Variants in ZNF138 observed in about 807,000 individuals in gnomAD.
ZNF138 encodes the protein zinc finger protein 138.
Under a neutral mutation model 33.0 loss-of-function variants are expected in ZNF138, and 33 were observed. The ratio of observed to expected loss-of-function variants is 1.00; its 90% confidence interval spans 0.76 to 1.34. The LOEUF (loss-of-function observed/expected upper bound fraction) is 1.34. ZNF138 is among the 40% of genes most tolerant of loss of function. The pLI is 0.00. For missense variants in ZNF138, 360 were observed against 370.8 expected, an observed-to-expected ratio of 0.97 and a Z score of 0.24; for synonymous variants, 139 against 120.4, an observed-to-expected ratio of 1.15 and a Z score of -1.01.
the ZNF138 span, among the ~76,000 whole-genome samples, chr7:64,847,330 A>ATTTTTT: frequency 3.6e-5 from 4 of 111,354 alleles, no homozygotes; most frequent in Admixed American, 2.8e-4. Flanking sequence ...ATATATATAT[A>ATTTTTT]TATTTTTTTT....
At chr7:64,823,116 G>C (rs1191841230) in intron 3 of ZNF138, among the ~76,000 whole-genome samples, 1 of 152,060 alleles carries the variant, frequency 6.6e-6, no homozygotes, top group Non-Finnish European at 1.5e-5. Context: ...CCGACCTCAG[G>C]TGATCCGCCC....
the ZNF138 span, chr7:64,853,105 A>G: frequency 2.6e-3 from 3,638 of 1,414,740 alleles, 77 homozygotes; most frequent in African/African-American, 0.046. Flanking sequence ...TGTAATCTGT[A>G]GTTTGAACCA....
chr7:64,813,859 TTAA>T lies in ZNF138; in HGVS notation c.4-1057_4-1055del, dbSNP rs575193839. On this transcript the variant is annotated intron_variant, in intron 1 of 3. Coordinates refer to ENST00000307355, the MANE Select transcript of ZNF138 (RefSeq NM_001271639.2). ...AAAATTTGTCTTAGTGCAGTTGATGTTAATGATTCACTTGGTTAAAGAGCTCTT... is the reference window on the plus strand; with the variant it reads ...AAAATTTGTCTTAGTGCAGTTGATGTTGATTCACTTGGTTAAAGAGCTCTT... 7.2e-5 allele frequency among the ~76,000 whole-genome samples: 11 copies of T among 152,362 alleles called. No homozygotes were observed. In the South Asian group the frequency reaches 2.3e-3, roughly 32 times the overall value.
At chr7:64,853,994 C>A in the ZNF138 span, among the ~76,000 whole-genome samples, 1 of 150,944 alleles carries the variant, frequency 6.6e-6, no homozygotes, top group Non-Finnish European at 1.5e-5. Context: ...CAGCAAGGCT[C>A]TGTCTCAAAA....
the ZNF138 span, among the ~76,000 whole-genome samples, chr7:64,846,836 C>T: frequency 1.3e-5 from 2 of 152,082 alleles, no homozygotes; most frequent in Admixed American, 1.3e-4. Context: ...TTGTCTTGTT[C>T]CAGTTCTCAG....
downstream of ZNF138, among the ~76,000 whole-genome samples, chr7:64,834,533 T>C (rs895945033): frequency 2.0e-5 from 3 of 152,238 alleles, no homozygotes; most frequent in African/African-American, 7.2e-5. Context: ...TTGCAGAATT[T>C]ATGAAAAGTG....
At chr7:64,798,851 G>T (rs1299639768) in intron 1 of ZNF138, among the ~76,000 whole-genome samples, 2 of 148,394 alleles carry the variant, frequency 1.3e-5, no homozygotes, top group African/African-American at 2.5e-5. Flanking sequence ...TGGTCAGATG[G>T]TTGTAGATGT....
the ZNF138 span, among the ~76,000 whole-genome samples, chr7:64,860,429 C>T: frequency 5.3e-5 from 8 of 152,140 alleles, no homozygotes; most frequent in Non-Finnish European, 1.0e-4. Context: ...CTTTCTTCAA[C>T]CACTTCTTCC....
At chr7:64,829,638 TTGG>T (rs144211525) in intron 3 of ZNF138, among the ~76,000 whole-genome samples, 1,871 of 150,178 alleles carry the variant, frequency 0.012, 52 homozygotes, top group African/African-American at 0.044. Flanking sequence ...CTCAATTTTG[TTGG>T]TGATGTTGCT....
intron 1 of ZNF138, among the ~76,000 whole-genome samples, chr7:64,804,123 C>G (rs561371991): frequency 1.3e-5 from 2 of 152,132 alleles, no homozygotes; most frequent in Non-Finnish European, 2.9e-5. Context: ...CAATTTCTGC[C>G]TCCAAAGAAA....
chr7:64,818,925 TG>T (rs1315806741), intron 3 of ZNF138, among the ~76,000 whole-genome samples: 1 of 152,198 alleles, frequency 6.6e-6, no homozygotes, highest in Non-Finnish European at 1.5e-5. Context: ...TCTTTCTTAA[TG>T]TTACACCAAT....
intron 1 of ZNF138, among the ~76,000 whole-genome samples, chr7:64,806,003 A>G (rs897915368): frequency 3.3e-5 from 5 of 152,230 alleles, no homozygotes; most frequent in African/African-American, 9.6e-5. Context: ...TGCATGTCAC[A>G]TTTGGTTGAA....
At chr7:64,799,410 G>A (rs1786963781) in intron 1 of ZNF138, among the ~76,000 whole-genome samples, 2 of 151,956 alleles carry the variant, frequency 1.3e-5, no homozygotes, top group African/African-American at 2.4e-5. Context: ...TGATCTGCCC[G>A]CCTCTGCCTC....
intron 1 of ZNF138, 89 bp downstream of exon 1, chr7:64,794,660 C>A: frequency 6.3e-7 from 1 of 1,587,324 alleles, no homozygotes; most frequent in Non-Finnish European, 8.6e-7. Flanking sequence ...TCGGGTCTTC[C>A]CGCAGTCGGC....
At chr7:64,853,273 C>T in the ZNF138 span, 238 of 1,611,882 alleles carry the variant, frequency 1.5e-4, no homozygotes, top group Admixed American at 3.9e-3. Context: ...TAGCCTGTGC[C>T]CTTCAGTTCA....
At position 64,833,218 on chromosome 7, in the gene ZNF138, T is replaced by TA. The variant is rs1790232878; in HGVS notation, c.*1018dup. ...ACAAGTCTTCAACCCTTTCTGCACA[T>TA]AATATAATTCATACTGGAGAGAAAC... is the stretch of plus-strand genomic sequence containing the variant. On this transcript the variant is annotated 3_prime_UTR_variant, in exon 4 of 4. Transcript: ENST00000307355. The TA allele has an allele frequency of 4.4e-6, 1 of 225,572 alleles. No individual in the cohort carries two copies. Among genetic ancestry groups the TA allele is most frequent in the South Asian group, 6.8e-5 (1 of 14,798 alleles). The allele number at this position is 225,572 out of a possible 1,614,324, so 14.0% of individuals were successfully genotyped here. A position where few individuals can be genotyped will look rare whatever the true frequency, so the allele number is the denominator to read the frequency against.
the ZNF138 span, chr7:64,852,935 G>A: frequency 1.9e-5 from 23 of 1,201,474 alleles, no homozygotes; most frequent in East Asian, 5.1e-4. Flanking sequence ...GATAATCAGA[G>A]GCATCACTTT....
At position 64,833,046 on chromosome 7, in the gene ZNF138, C is replaced by G. The variant is rs980361494; in HGVS notation, c.*844C>G. On this transcript the variant is annotated 3_prime_UTR_variant, in exon 4 of 4. Transcript: ENST00000307355. Reference sequence around the variant, plus strand: ...CAAAGCTTTTAACCAAGTCTCAACACTTACTATACATAAGATAATTTATAC... The same window carrying G: ...CAAAGCTTTTAACCAAGTCTCAACAGTTACTATACATAAGATAATTTATAC... 1.0e-5 allele frequency: 4 copies of G among 394,448 alleles called. No homozygotes were observed. The East Asian group carries it at 2.8e-4, about 27-fold the overall frequency. 24.4% of individuals were successfully genotyped at this position (394,448 alleles called of 1,614,324 possible). A position where few individuals can be genotyped will look rare whatever the true frequency, so the allele number is the denominator to read the frequency against.
In ZNF138 at chr7:64,832,334, A is replaced by T. The variant is rs1320178867; in HGVS notation, c.*132A>T. 1 of 1,568,868 alleles carries T rather than the reference A, an allele frequency of 6.4e-7. No individual in the cohort carries two copies. The highest frequency in any genetic ancestry group is 8.6e-7 in the Non-Finnish European group (1 of 1,162,362). Reference sequence around the variant, plus strand: ...TTCATAGCGGAGAGAAACCCCACAAATGTGAAGAATGTGGCAGAGCTTTTA... The same window carrying T: ...TTCATAGCGGAGAGAAACCCCACAATTGTGAAGAATGTGGCAGAGCTTTTA... On this transcript the variant is annotated 3_prime_UTR_variant, in exon 4 of 4. Coordinates refer to ENST00000307355, the MANE Select transcript of ZNF138 (RefSeq NM_001271639.2).
Sources: gnomAD v4.1 joint callset for allele counts (sites outside exome capture counted in the v4.1 genomes callset) on GRCh38, gnomAD v4.1.1 for gene constraint, MANE v1.5 for transcripts, NCBI Gene and HGNC (gene_info 2026-07-23, HGNC 2026-07-21) for gene names.